Variants in ERC1 observed in about 807,000 individuals in gnomAD.
ERC1 encodes the protein RAB6 interacting protein 2.
ERC1 carries 56 observed loss-of-function variants against 132.0 expected under a neutral mutation model. That is an observed-to-expected ratio of 0.42 (90% CI 0.34 to 0.53). The LOEUF (loss-of-function observed/expected upper bound fraction) is 0.53. ERC1 is among the 20% of genes least tolerant of loss of function. The probability of loss-of-function intolerance (pLI) is 0.03; values close to 1 mark genes in which losing one functional copy is unlikely to be tolerated. For synonymous variants in ERC1, 478 were observed against 476.1 expected (o/e 1.00, Z -0.05); for missense variants, 1,202 against 1,349.9 (o/e 0.89, Z 1.72).
intron 13 of ERC1, chr12:1,244,701 G>GAA (rs1362878712): frequency 7.9e-5 from 29 of 367,852 alleles, no homozygotes; most frequent in Middle Eastern, 2.0e-3. Flanking sequence ...TTGTGTGTCT[G>GAA]TTTTTATTAG....
At position 1,027,962 on chromosome 12, in the gene ERC1, G is replaced by C. The variant is rs549963000; in HGVS notation, c.59G>C (p.Arg20Pro). 22 of 1,613,926 alleles carry C rather than the reference G, an allele frequency of 1.4e-5. No homozygotes were observed. The highest frequency in any genetic ancestry group is 1.9e-5 in the Non-Finnish European group (22 of 1,179,950). ...GAGCCGAGCAGCCAGAGCCCTGGGCGTTCACCCAGGCTTCCACGTTCCCCT... is the reference window on the plus strand; with the variant it reads ...GAGCCGAGCAGCCAGAGCCCTGGGCCTTCACCCAGGCTTCCACGTTCCCCT... ...KVEPSSQSPG[R>P]SPRLPRSPRL... The change falls in exon 2 of 19, where the codon CGT (arginine) becomes CCT (proline). Residue 20 changes from arginine to proline, a missense_variant. By Grantham distance (103) the Arg-to-Pro change is moderately radical (BLOSUM62 -2). Coordinates refer to ENST00000360905, the MANE Select transcript of ERC1 (RefSeq NM_178040.4).
rs1261435006 is a variant in ERC1 at position 1,418,629 on chromosome 12, TTCTTTCTTTCTTTCTC to T, written c.3024+10386_3024+10401del. Among the ~76,000 whole-genome samples the T allele has an allele frequency of 2.6e-3, 262 of 101,940 alleles. 6 individuals carry two copies. The highest frequency in any genetic ancestry group is 6.0e-3 in the African/African-American group (115 of 19,302). The allele number at this position is 101,940 out of a possible 152,430, so 66.9% of individuals were successfully genotyped here. ...TTTCTTTCTTTCTTTCTTTCTTTCTTTCTTTCTTTCTTTCTCTCTCTCTCTCTCTCTCTTTCTTTTC... is the reference window on the plus strand; with the variant it reads ...TTTCTTTCTTTCTTTCTTTCTTTCTTTCTCTCTCTCTCTCTCTTTCTTTTC... On this transcript the variant is annotated intron_variant, in intron 17 of 18. Coordinates refer to ENST00000360905, the MANE Select transcript of ERC1 (RefSeq NM_178040.4).
intron 18 of ERC1, among the ~76,000 whole-genome samples, chr12:1,459,364 G>A (rs2093602762): frequency 6.6e-6 from 1 of 152,040 alleles, no homozygotes; most frequent in Non-Finnish European, 1.5e-5. Context: ...CTTTTTATGA[G>A]GACCCAGGGG....
At position 1,047,302 on chromosome 12, in the gene ERC1, A is replaced by G. The variant is rs557157119; in HGVS notation, c.669+18730A>G. On this transcript the variant is annotated intron_variant, in intron 2 of 18. Coordinates refer to ENST00000360905, the MANE Select transcript of ERC1 (RefSeq NM_178040.4). Reference sequence around the variant, plus strand: ...AAGCCCCCCGTCATTGATTTAATTTAAAAATAAAACATTTATTGACACATA... The same window carrying G: ...AAGCCCCCCGTCATTGATTTAATTTGAAAATAAAACATTTATTGACACATA... Among the ~76,000 whole-genome samples, 6 of 152,316 alleles carry G rather than the reference A, an allele frequency of 3.9e-5. No individual in the cohort carries two copies. In the South Asian group the frequency reaches 1.2e-3, roughly 32 times the overall value.
intron 16 of ERC1, among the ~76,000 whole-genome samples, chr12:1,405,166 AATAAATAAATAAAT>A (rs1295971413): frequency 3.5e-5 from 5 of 142,816 alleles, no homozygotes; most frequent in Non-Finnish European, 7.6e-5. Flanking sequence ...TAAATAAATA[AATAAATAAATAAAT>A]ATAAATAAAA....
Position 1,494,963 on chromosome 12 carries a change from G to C in ERC1, c.*4733G>C, listed in dbSNP as rs1275496520. The C allele has an allele frequency of 4.3e-6, 1 of 230,648 alleles. No individual in the cohort carries two copies. The highest frequency in any genetic ancestry group is 2.2e-5 in the African/African-American group (1 of 45,176). 14.3% of individuals were successfully genotyped at this position (230,648 alleles called of 1,614,324 possible). On this transcript the variant is annotated 3_prime_UTR_variant, in exon 19 of 19. Transcript: ENST00000360905. ...ATGGAGCACACTTAGGGTAGTGCCTGCCTGGGCAAGAGACACCTGCCGAGC... is the reference window on the plus strand; with the variant it reads ...ATGGAGCACACTTAGGGTAGTGCCTCCCTGGGCAAGAGACACCTGCCGAGC...
intron 13 of ERC1, 91 bp from the exon 14 acceptor site, chr12:1,262,943 A>G (rs1483428738): frequency 7.6e-7 from 1 of 1,324,084 alleles, no homozygotes; most frequent in East Asian, 2.4e-5. Flanking sequence ...TGGAAAGAAC[A>G]TTTAATAAGC....
At chr12:1,479,399 A>G (rs772014143) in intron 18 of ERC1, among the ~76,000 whole-genome samples, 15 of 152,120 alleles carry the variant, frequency 9.9e-5, no homozygotes, top group Non-Finnish European at 1.9e-4. Context: ...GAGGCTTCCA[A>G]TCCTTAATCA....
At chr12:1,036,496 T>A (rs1969115077) in intron 2 of ERC1, among the ~76,000 whole-genome samples, 1 of 151,912 alleles carries the variant, frequency 6.6e-6, no homozygotes, top group South Asian at 2.1e-4. Flanking sequence ...TGCCTCAGCC[T>A]CCTGAGTAGC....
chr12:1,388,081 G>A (rs770774694), intron 16 of ERC1, among the ~76,000 whole-genome samples: 16 of 152,182 alleles, frequency 1.1e-4, no homozygotes, highest in Non-Finnish European at 2.4e-4. Flanking sequence ...GTTAGCCTCG[G>A]CCGGGCGTGG....
intron 15 of ERC1, among the ~76,000 whole-genome samples, chr12:1,368,916 A>C (rs2086911914): frequency 6.6e-6 from 1 of 152,214 alleles, no homozygotes; most frequent in South Asian, 2.1e-4. Context: ...ATACATGTAG[A>C]AATCAGTGTC....
At chr12:1,039,537 A>C (rs1969812626) in intron 2 of ERC1, among the ~76,000 whole-genome samples, 1 of 151,688 alleles carries the variant, frequency 6.6e-6, no homozygotes, top group African/African-American at 2.4e-5. Context: ...CAAAAAAAAA[A>C]AGAAAGAAAA....
chr12:1,171,544 G>A (rs1032501118), intron 8 of ERC1, among the ~76,000 whole-genome samples: 1 of 152,070 alleles, frequency 6.6e-6, no homozygotes, highest in Non-Finnish European at 1.5e-5. Flanking sequence ...CATCCAGACT[G>A]TATTTCTGCC....
chr12:1,186,895 A>G (rs1477252170), intron 11 of ERC1, among the ~76,000 whole-genome samples: 2 of 152,174 alleles, frequency 1.3e-5, no homozygotes, highest in African/African-American at 4.8e-5. Context: ...CAGTGGCACA[A>G]TCTCGACTCA....
chr12:1,204,773 C>T (rs1438826983), intron 12 of ERC1, among the ~76,000 whole-genome samples: 2 of 151,956 alleles, frequency 1.3e-5, no homozygotes, highest in Non-Finnish European at 2.9e-5. Context: ...ATGAAAAGAG[C>T]ATTACGAGGA....
In ERC1 at chr12:1,101,333, T is replaced by C. The variant is rs184345519; in HGVS notation, c.1087-3417T>C. ...AATAATGCCTCGAATCAATCACACT[T>C]CTATATTGCTTTAGTGATGACAGTG... is the stretch of plus-strand genomic sequence containing the variant. On this transcript the variant is annotated intron_variant, in intron 3 of 18. Coordinates refer to ENST00000360905, the MANE Select transcript of ERC1 (RefSeq NM_178040.4). Among the ~76,000 whole-genome samples, 512 of 152,196 alleles carry C rather than the reference T, an allele frequency of 3.4e-3. 4 individuals carry two copies. Among genetic ancestry groups the C allele is most frequent in the African/African-American group, 0.012 (481 of 41,546 alleles).
chr12:1,126,958 A>G (rs1042327263), intron 7 of ERC1, among the ~76,000 whole-genome samples: 2 of 143,318 alleles, frequency 1.4e-5, no homozygotes, highest in East Asian at 2.1e-4. Flanking sequence ...ACTGCACTCC[A>G]GCCTGGCGAC....
chr12:1,056,090 AAAG>A (rs1972908899), intron 2 of ERC1, among the ~76,000 whole-genome samples: 1 of 151,712 alleles, frequency 6.6e-6, no homozygotes, highest in African/African-American at 2.4e-5. Context: ...TTTTTAAAAA[AAAG>A]GTGAATGTCA....
intron 17 of ERC1, among the ~76,000 whole-genome samples, chr12:1,413,874 C>CA (rs936031533): frequency 6.6e-6 from 1 of 152,226 alleles, no homozygotes; most frequent in African/African-American, 2.4e-5. Context: ...CTTAAACCAG[C>CA]AGTCCCCAAC....
Sources: gnomAD v4.1 joint callset for allele counts (sites outside exome capture counted in the v4.1 genomes callset) on GRCh38, gnomAD v4.1.1 for gene constraint, MANE v1.5 for transcripts, NCBI Gene and HGNC (gene_info 2026-07-23, HGNC 2026-07-21) for gene names.